Variants in SNX29 observed in about 807,000 individuals in gnomAD.
The protein encoded by SNX29 is sorting nexin-29.
SNX29 carries 78 observed loss-of-function variants against 102.1 expected under a neutral mutation model. The observed-to-expected ratio is 0.76, with a 90% CI of 0.64 to 0.92. The LOEUF (loss-of-function observed/expected upper bound fraction) is 0.92, where lower values mean the gene tolerates loss of function less well. SNX29 is among the 40% of genes least tolerant of loss of function. The probability of loss-of-function intolerance (pLI) is 0.00; values close to 1 mark genes in which losing one functional copy is unlikely to be tolerated. For synonymous variants in SNX29, 580 were observed against 414.5 expected, an observed-to-expected ratio of 1.40 and a Z score of -4.85; for missense variants, 1,280 against 1,061.7, an observed-to-expected ratio of 1.21 and a Z score of -2.86.
At position 12,570,606 on chromosome 16, in the gene SNX29, C is replaced by G. The variant is rs144882460; in HGVS notation, c.*1977C>G. 2 of 232,148 alleles carry G rather than the reference C, an allele frequency of 8.6e-6. No homozygotes were observed. Among genetic ancestry groups the G allele is most frequent in the East Asian group, 6.1e-5 (1 of 16,440 alleles). 14.4% of individuals were successfully genotyped at this position (232,148 alleles called of 1,614,324 possible). On this transcript the variant is annotated 3_prime_UTR_variant, in exon 21 of 21. Coordinates refer to ENST00000566228, the MANE Select transcript of SNX29 (RefSeq NM_032167.5). ...CCTGGGTAGCTACCCTGGAGGTCAT[C>G]TCCCTGTTCTCTGTTGGATAAAGGA...
intron 3 of SNX29, among the ~76,000 whole-genome samples, chr16:12,012,900 G>C (rs1454020501): frequency 1.3e-5 from 2 of 151,880 alleles, no homozygotes; most frequent in Non-Finnish European, 1.5e-5. Flanking sequence ...GTCATGTACT[G>C]TGTACCTACA....
intron 17 of SNX29, among the ~76,000 whole-genome samples, chr16:12,403,054 T>A (rs1007698812): frequency 6.6e-6 from 1 of 152,188 alleles, no homozygotes; most frequent in Non-Finnish European, 1.5e-5. Context: ...TTGCTGTGTG[T>A]GACCTCCTGT....
At chr16:12,065,792 T>C (rs1188219354) in intron 9 of SNX29, among the ~76,000 whole-genome samples, 5 of 152,206 alleles carry the variant, frequency 3.3e-5, no homozygotes, top group African/African-American at 1.2e-4. Flanking sequence ...ACTGGATCAC[T>C]GGATGCAGGC....
At chr16:12,520,685 A>C (rs918761107) in intron 19 of SNX29, among the ~76,000 whole-genome samples, 3 of 152,252 alleles carry the variant, frequency 2.0e-5, no homozygotes, top group Admixed American at 6.5e-5. Context: ...TTCTAAGTGA[A>C]GTAACTCAGG....
intron 20 of SNX29, among the ~76,000 whole-genome samples, chr16:12,538,314 G>C (rs908388432): frequency 1.3e-5 from 2 of 152,110 alleles, no homozygotes; most frequent in Admixed American, 6.5e-5. Flanking sequence ...TAGAGAGGGG[G>C]TTTCACCATG....
chr16:12,570,101 G>A lies in SNX29; in HGVS notation c.*1472G>A, dbSNP rs1309958269. 3 of 980,940 alleles carry A rather than the reference G, an allele frequency of 3.1e-6. No homozygotes were observed. The African/African-American group carries it at 5.1e-5, about 17-fold the overall frequency. The allele number at this position is 980,940 out of a possible 1,614,324, so 60.8% of individuals were successfully genotyped here. ...GTTTATACTGTGCCTTCCCCTCGTA[G>A]CAAAAAGGAAGATTGTTCATGGCCT... On this transcript the variant is annotated 3_prime_UTR_variant, in exon 21 of 21. Coordinates refer to ENST00000566228, the MANE Select transcript of SNX29 (RefSeq NM_032167.5).
rs373767530 is a variant in SNX29, at chr16:12,061,659, C to T, written c.1243+13C>T. The T allele has an allele frequency of 2.4e-5, 38 of 1,596,572 alleles. No individual in the cohort carries two copies. Among genetic ancestry groups the T allele is most frequent in the African/African-American group, 4.0e-5 (3 of 74,582 alleles). ...TACAGCCCAGCAGGTGGGTGTCTCCCGATTACTCCTTTCCTCCAATAAGAG... is the reference window on the plus strand; with the variant it reads ...TACAGCCCAGCAGGTGGGTGTCTCCTGATTACTCCTTTCCTCCAATAAGAG... On this transcript the variant is annotated intron_variant, in intron 9 of 20. Coordinates refer to ENST00000566228, the MANE Select transcript of SNX29 (RefSeq NM_032167.5).
chr16:12,215,331 C>G (rs2077293853), intron 14 of SNX29, among the ~76,000 whole-genome samples: 1 of 147,446 alleles, frequency 6.8e-6, no homozygotes, highest in Non-Finnish European at 1.5e-5. Context: ...AAAAAAAAAT[C>G]AGAAGGTGTA....
intron 14 of SNX29, among the ~76,000 whole-genome samples, chr16:12,263,774 T>A (rs549902995): frequency 2.6e-4 from 39 of 152,264 alleles, no homozygotes; most frequent in African/African-American, 6.5e-4. Flanking sequence ...ATATATATAT[T>A]TTTTGCTAAG....
In SNX29 at chr16:11,981,382, G is replaced by GC. The variant is rs2055409931; in HGVS notation, c.7+4571dup. 3.3e-5 allele frequency among the ~76,000 whole-genome samples: 5 copies of GC among 151,966 alleles called. No individual in the cohort carries two copies. In the South Asian group the frequency reaches 1.0e-3, roughly 32 times the overall value. ...GCCTCCCAAAGTGCTGGGATTACAA[G>GC]CCTGAGCCACCATGCCTGGGCTCTT... On this transcript the variant is annotated intron_variant, in intron 1 of 20. Coordinates refer to ENST00000566228, the MANE Select transcript of SNX29 (RefSeq NM_032167.5).
At chr16:12,539,849 G>C (rs1221914417) in intron 20 of SNX29, among the ~76,000 whole-genome samples, 3 of 152,208 alleles carry the variant, frequency 2.0e-5, no homozygotes, top group South Asian at 2.1e-4. Flanking sequence ...AAGTAAGTAA[G>C]TGTCCAAGTA....
Position 12,572,246 on chromosome 16 carries a change from G to T in SNX29, c.*3617G>T, listed in dbSNP as rs3803606. 2.9e-6 allele frequency: 3 copies of T among 1,048,414 alleles called. No homozygotes were observed. Among genetic ancestry groups the T allele is most frequent in the Admixed American group, 5.4e-5 (1 of 18,636 alleles). The allele number at this position is 1,048,414 out of a possible 1,614,324, so 64.9% of individuals were successfully genotyped here. On this transcript the variant is annotated 3_prime_UTR_variant, in exon 21 of 21. Transcript: ENST00000566228. The stretch of plus-strand genomic sequence containing the variant: ...TCCTGAAAGTCGTTTACACCAGGTG[G>T]ATTGATACCATGGCTGTAGCTGATG...
In SNX29 at chr16:12,203,585, T is replaced by C. The variant is rs141716124; in HGVS notation, c.1678+3902T>C. Among the ~76,000 whole-genome samples the C allele has an allele frequency of 5.9e-3, 899 of 152,288 alleles. 3 individuals carry two copies. The highest frequency in any genetic ancestry group is 0.014 in the Middle Eastern group (4 of 294). On this transcript the variant is annotated intron_variant, in intron 14 of 20. Transcript: ENST00000566228. ...CTGAAGTTGTGTAGTGTGGCCTTGC[T>C]GTCAGGTGGACTGGTGGTATCATTC...
intron 20 of SNX29, among the ~76,000 whole-genome samples, 157 bp downstream of exon 20, chr16:12,524,998 G>A (rs62622828): frequency 0.02 from 3,030 of 152,276 alleles, 45 homozygotes; most frequent in Middle Eastern, 0.058. Flanking sequence ...CAAAGTGGAG[G>A]TTGGGTCTCA....
rs183078059 is a variant in SNX29 at position 12,167,125 on chromosome 16, C to A, written c.1596-32476C>A. Among the ~76,000 whole-genome samples the A allele has an allele frequency of 8.1e-3, 1,226 of 152,286 alleles. 8 individuals are homozygous for A. The highest frequency in any genetic ancestry group is 0.012 in the Non-Finnish European group (843 of 68,006). On this transcript the variant is annotated intron_variant, in intron 13 of 20. Coordinates refer to ENST00000566228, the MANE Select transcript of SNX29 (RefSeq NM_032167.5). ...GAAGTCTTGGCTTTGCTGGCTGAAC[C>A]GAGTATATTGCCTTCCTGGCCATCT...
chr16:12,537,772 C>A (rs187789656), intron 20 of SNX29, among the ~76,000 whole-genome samples: 1 of 151,380 alleles, frequency 6.6e-6, no homozygotes, highest in South Asian at 2.1e-4. Flanking sequence ...TTTGTTTAAA[C>A]AAAAAAAAGT....
At chr16:12,180,519 TG>T (rs1310080122) in intron 13 of SNX29, among the ~76,000 whole-genome samples, 5 of 150,094 alleles carry the variant, frequency 3.3e-5, no homozygotes, top group Admixed American at 7.4e-5. Flanking sequence ...AGTCTTGCTC[TG>T]TCGCCCAGGC....
chr16:12,384,741 T>C (rs1018932332), intron 16 of SNX29, among the ~76,000 whole-genome samples: 2 of 152,222 alleles, frequency 1.3e-5, no homozygotes, highest in African/African-American at 4.8e-5. Flanking sequence ...CATTTGTCCA[T>C]TTTTGCTTTG....
chr16:12,385,815 C>T (rs1597183575), intron 16 of SNX29, among the ~76,000 whole-genome samples: 1 of 152,308 alleles, frequency 6.6e-6, no homozygotes, highest in East Asian at 1.9e-4. Flanking sequence ...ATAACAGATA[C>T]AGAAAGAATT....
Sources: gnomAD v4.1 joint callset for allele counts (sites outside exome capture counted in the v4.1 genomes callset) on GRCh38, gnomAD v4.1.1 for gene constraint, MANE v1.5 for transcripts, NCBI Gene and HGNC (gene_info 2026-07-23, HGNC 2026-07-21) for gene names.